Variants in SAR1A observed in about 807,000 individuals in gnomAD.
SAR1A encodes the protein secretion associated Ras related GTPase 1A, also known as small COPII coat GTPase SAR1A.
In SAR1A, 6 loss-of-function variants were observed where a neutral mutation model predicts 22.6. The observed-to-expected ratio is 0.27, with a 90% CI of 0.15 to 0.52. The LOEUF (loss-of-function observed/expected upper bound fraction) is 0.52. Among genes scored for constraint, SAR1A ranks in the 20% least tolerant of loss-of-function variants. The pLI is 0.96. For missense variants in SAR1A, 145 were observed against 245.1 expected (o/e 0.59, Z 2.73); for synonymous variants, 70 against 82.2 (o/e 0.85, Z 0.80).
At chr10:70,157,896 G>T in intron 4 of SAR1A, 29 bp from the exon 5 acceptor site, 1 of 1,436,958 alleles carries the variant, frequency 7.0e-7, no homozygotes. Context: ...AGTTGCATGA[G>T]TAAAAAATAT....
At chr10:70,168,544 G>A (rs917152544) in intron 1 of SAR1A, among the ~76,000 whole-genome samples, 7 of 152,034 alleles carry the variant, frequency 4.6e-5, no homozygotes, top group Non-Finnish European at 1.0e-4. Context: ...GTGAGCCGAG[G>A]TCATGACATT....
intron 5 of SAR1A, among the ~76,000 whole-genome samples, chr10:70,155,398 G>A (rs1331824689): frequency 2.6e-5 from 4 of 152,128 alleles, no homozygotes; most frequent in South Asian, 2.1e-4. Flanking sequence ...GAAAGCTAGC[G>A]GGGAAAGCAG....
rs1013488781 is a variant in SAR1A, at chr10:70,148,443, G to T, written c.*4033C>A. 1 of 152,132 alleles carries T rather than the reference G, an allele frequency of 6.6e-6. No individual in the cohort carries two copies. The highest frequency in any genetic ancestry group is 1.5e-5 in the Non-Finnish European group (1 of 68,054). The allele number at this position is 152,132 out of a possible 1,614,324, so 9.4% of individuals were successfully genotyped here. On this transcript the variant is annotated 3_prime_UTR_variant, in exon 7 of 7. Transcript: ENST00000373241. ...CTTCTTTTGGTTCTATGACACAGAA[G>T]GTGGCTTGATCACAGCACAATTTCT...
rs529069218 is a variant in SAR1A at position 70,164,411 on chromosome 10, C to T, written c.-16-2480G>A. The stretch of plus-strand genomic sequence containing the variant: ...GGAGTTGGTCAAATAAGGGAACATC[C>T]GGGTTATGCCTTTTTTTAAAGTAGT... On this transcript the variant is annotated intron_variant, in intron 1 of 6. Transcript: ENST00000373241. 1.1e-4 allele frequency among the ~76,000 whole-genome samples: 16 copies of T among 152,294 alleles called. No homozygotes were observed. In the South Asian group the frequency reaches 2.9e-3, roughly 28 times the overall value.
At chr10:70,165,133 C>T (rs1000678383) in intron 1 of SAR1A, among the ~76,000 whole-genome samples, 72 of 151,104 alleles carry the variant, frequency 4.8e-4, no homozygotes, top group Non-Finnish European at 8.9e-5. Flanking sequence ...GGCGTAGTGG[C>T]GGGCGCCTGT....
At chr10:70,164,098 A>AT in intron 1 of SAR1A, 1 of 752,428 alleles carries the variant, frequency 1.3e-6, no homozygotes, top group Non-Finnish European at 2.5e-6. Flanking sequence ...CAAGTAAACT[A>AT]TGAGTTTGTA....
intron 5 of SAR1A, among the ~76,000 whole-genome samples, chr10:70,156,099 G>C (rs77467629): frequency 0.029 from 4,410 of 152,238 alleles, 88 homozygotes; most frequent in East Asian, 0.059. Context: ...TCCATTCTAG[G>C]AAAACAGAAT....
At chr10:70,156,730 G>A (rs1039099586) in intron 5 of SAR1A, among the ~76,000 whole-genome samples, 3 of 151,420 alleles carry the variant, frequency 2.0e-5, no homozygotes, top group South Asian at 4.2e-4. Context: ...ACATGAGGCT[G>A]GAGCTATAGA....
chr10:70,165,661 T>C (rs898800536), intron 1 of SAR1A, among the ~76,000 whole-genome samples: 2 of 152,190 alleles, frequency 1.3e-5, no homozygotes, highest in African/African-American at 4.8e-5. Context: ...TGAGATGGAA[T>C]CTAGTCCTGG....
intron 5 of SAR1A, 66 bp downstream of exon 5, chr10:70,157,696 TAA>T: frequency 1.8e-6 from 2 of 1,122,830 alleles, no homozygotes; most frequent in Non-Finnish European, 2.6e-6. Flanking sequence ...CTATATTCCT[TAA>T]AAAAAAATAG....
chr10:70,167,759 T>C lies in SAR1A; in HGVS notation c.-17+2654A>G, dbSNP rs150869319. 7.1e-3 allele frequency among the ~76,000 whole-genome samples: 1,083 copies of C among 152,348 alleles called. 24 individuals carry two copies. Among genetic ancestry groups the C allele is most frequent in the African/African-American group, 0.025 (1,026 of 41,578 alleles). The stretch of plus-strand genomic sequence containing the variant: ...TTACCAAAGACAGCCAAATAAAGTT[T>C]GGCAGTTTGGGTGGATACATACTAG... On this transcript the variant is annotated intron_variant, in intron 1 of 6. Coordinates refer to ENST00000373241, the MANE Select transcript of SAR1A (RefSeq NM_020150.5).
At chr10:70,170,315 C>CCA (rs1234746809) in intron 1 of SAR1A, 98 bp downstream of exon 1, 1 of 142,518 alleles carries the variant, frequency 7.0e-6, no homozygotes, top group Non-Finnish European at 1.6e-5. Context: ...TCCCCCCCAC[C>CCA]CAACCCCGCC....
At chr10:70,161,566 G>A (rs901128032) in intron 3 of SAR1A, 53 bp downstream of exon 3, 72 of 1,602,442 alleles carry the variant, frequency 4.5e-5, no homozygotes, top group South Asian at 1.0e-4. Flanking sequence ...CATCCTCCAC[G>A]CCTAACACTG....
chr10:70,150,723 T>C lies in SAR1A; in HGVS notation c.*1753A>G, dbSNP rs1839315496. On this transcript the variant is annotated 3_prime_UTR_variant, in exon 7 of 7. Transcript: ENST00000373241. ...TTTGTTCACTTAAGGCTTTAACCCC[T>C]TTCCAAACCAACAACTTTGTCTTAA... 1 of 152,324 alleles carries C rather than the reference T, an allele frequency of 6.6e-6. No homozygotes were observed. The highest frequency in any genetic ancestry group is 2.1e-4 in the South Asian group (1 of 4,836). 9.4% of individuals were successfully genotyped at this position (152,324 alleles called of 1,614,324 possible).
chr10:70,147,350 T>A lies in SAR1A; in HGVS notation c.*5126A>T, dbSNP rs1378252271. On this transcript the variant is annotated 3_prime_UTR_variant, in exon 7 of 7. Coordinates refer to ENST00000373241, the MANE Select transcript of SAR1A (RefSeq NM_020150.5). Reference sequence around the variant, plus strand: ...TACAGTGTGCACATTTCACATAACATAACCACCAGCCAGGATTTATCTAGG... The same window carrying A: ...TACAGTGTGCACATTTCACATAACAAAACCACCAGCCAGGATTTATCTAGG... 6.6e-6 allele frequency: 1 copy of A among 152,160 alleles called. No individual in the cohort carries two copies. The highest frequency in any genetic ancestry group is 1.5e-5 in the Non-Finnish European group (1 of 68,032). 9.4% of individuals were successfully genotyped at this position (152,160 alleles called of 1,614,324 possible). A position where few individuals can be genotyped will look rare whatever the true frequency, so the allele number is the denominator to read the frequency against.
intron 5 of SAR1A, among the ~76,000 whole-genome samples, chr10:70,156,411 T>C (rs555391870): frequency 3.3e-5 from 5 of 152,184 alleles, no homozygotes; most frequent in African/African-American, 1.2e-4. Flanking sequence ...ATGCCTGTAA[T>C]CCCAGCACCT....
intron 1 of SAR1A, among the ~76,000 whole-genome samples, chr10:70,166,182 T>C (rs1402821936): frequency 6.6e-6 from 1 of 152,266 alleles, no homozygotes; most frequent in African/African-American, 2.4e-5. Context: ...TTCGTGTTAC[T>C]TGCTTTACTG....
At chr10:70,164,482 C>T (rs1222398275) in intron 1 of SAR1A, among the ~76,000 whole-genome samples, 1 of 152,144 alleles carries the variant, frequency 6.6e-6, no homozygotes, top group African/African-American at 2.4e-5. Flanking sequence ...GGAGTTGTAA[C>T]TCTGTGTGGA....
rs1839334417 is a variant in SAR1A at position 70,152,274 on chromosome 10, C to T, written c.*202G>A. On this transcript the variant is annotated 3_prime_UTR_variant, in exon 7 of 7. Transcript: ENST00000373241. The stretch of plus-strand genomic sequence containing the variant: ...CCCAGGATACTGACCTGCACCAGCA[C>T]GTGGGGCAGCATTACCTCCCAACAG... 1.1e-5 allele frequency: 11 copies of T among 984,928 alleles called. No individual in the cohort carries two copies. Among genetic ancestry groups the T allele is most frequent in the Middle Eastern group, 2.3e-4 (1 of 4,310 alleles). 61.0% of individuals were successfully genotyped at this position (984,928 alleles called of 1,614,324 possible).
Sources: allele counts gnomAD v4.1 joint callset (sites outside exome capture counted in the v4.1 genomes callset), GRCh38; gene constraint gnomAD v4.1.1; transcripts MANE v1.5; gene names NCBI Gene and HGNC (gene_info 2026-07-23, HGNC 2026-07-21).